AARS1: variants seen among roughly 807,000 people sequenced by gnomAD.
AARS1 encodes alanine--tRNA ligase, cytoplasmic.
A neutral mutation model predicts 108.9 loss-of-function variants in AARS1; 72 were observed. The ratio of observed to expected loss-of-function variants is 0.66; its 90% CI spans 0.55 to 0.80. The LOEUF (loss-of-function observed/expected upper bound fraction) is 0.80. Among genes scored for constraint, AARS1 ranks in the 30% least tolerant of loss-of-function variants. The pLI is 0.00. For missense variants in AARS1, 1,193 were observed against 1,233.2 expected (o/e 0.97, Z 0.49); for synonymous variants, 489 against 465.7 (o/e 1.05, Z -0.64).
chr16:70,270,946 C>T (rs759469240), intron 5 of AARS1, among the ~76,000 whole-genome samples: 1 of 150,882 alleles, frequency 6.6e-6, no homozygotes, highest in Admixed American at 6.6e-5. Context: ...GTCAGGAGTT[C>T]GAGACCAGCC....
chr16:70,264,795 G>A (rs1449423049), intron 11 of AARS1, among the ~76,000 whole-genome samples, 163 bp downstream of exon 11: 1 of 151,898 alleles, frequency 6.6e-6, no homozygotes, highest in Non-Finnish European at 1.5e-5. Context: ...AAAACCTCCA[G>A]CCAAGGGTGC....
At chr16:70,279,560 T>A (rs1267133884) in intron 2 of AARS1, among the ~76,000 whole-genome samples, 1 of 144,250 alleles carries the variant, frequency 6.9e-6, no homozygotes, top group African/African-American at 2.6e-5. Flanking sequence ...CTCGGGAGGG[T>A]GAAGCAGGAG....
At chr16:70,267,901 C>T (rs1391740110) in intron 8 of AARS1, 92 bp from the exon 9 acceptor site, 1 of 1,563,392 alleles carries the variant, frequency 6.4e-7, no homozygotes, top group Non-Finnish European at 8.8e-7. Flanking sequence ...GGTGCAGTGG[C>T]TCACGCCTGT....
At chr16:70,257,960 T>C (rs1161138184) in intron 15 of AARS1, 73 bp downstream of exon 15, 3 of 1,552,658 alleles carry the variant, frequency 1.9e-6, no homozygotes, top group Non-Finnish European at 2.7e-6. Context: ...CAAGAGTTGG[T>C]CCAGCCTAAG....
At chr16:70,277,927 A>T (rs1567610945) in intron 2 of AARS1, among the ~76,000 whole-genome samples, 1 of 151,792 alleles carries the variant, frequency 6.6e-6, no homozygotes, top group Non-Finnish European at 1.5e-5. Flanking sequence ...TAATTTTTGT[A>T]TTTTTAGTAG....
chr16:70,278,248 TTAG>T (rs1288263323), intron 2 of AARS1, among the ~76,000 whole-genome samples: 1 of 151,644 alleles, frequency 6.6e-6, no homozygotes, highest in Non-Finnish European at 1.5e-5. Flanking sequence ...AATTAAATAA[TTAG>T]TAATTAATAT....
chr16:70,276,186 G>T (rs1960545051), intron 4 of AARS1: 1 of 188,924 alleles, frequency 5.3e-6, no homozygotes, highest in South Asian at 9.8e-5. Context: ...CTGCACTCCA[G>T]CCTAGCTGAC....
chr16:70,265,813 CT>C, intron 9 of AARS1, 151 bp from the exon 10 acceptor site: 1 of 938,792 alleles, frequency 1.1e-6, no homozygotes. Context: ...TCCAGCACAT[CT>C]TTTTCAGTTA....
chr16:70,276,904 T>A, intron 3 of AARS1, 62 bp downstream of exon 3: 3 of 1,567,578 alleles, frequency 1.9e-6, no homozygotes, highest in Non-Finnish European at 2.6e-6. Context: ...TAGAACCCAG[T>A]TCCCAGTGTG....
rs148686377 is a variant in AARS1 at position 70,258,989 on chromosome 16, C to T, written c.1983G>A (p.Glu661=). Residue 661 remains glutamate (E), a synonymous_variant, in exon 14 of 21, where the codon GAG becomes GAA. Coordinates refer to ENST00000261772, the MANE Select transcript of AARS1 (RefSeq NM_001605.3). ...CCGTCGCCCATCCTACCTTGGCTGC[C>T]TCAATCATCTCATTAGCAATCTCTT... ...KAEEIANEMI[E]AAKAVYTQDC... is the part of the protein sequence containing the mutation. 3.1e-6 allele frequency: 5 copies of T among 1,614,192 alleles called. No individual in the cohort carries two copies. Among genetic ancestry groups the T allele is most frequent in the African/African-American group, 1.3e-5 (1 of 75,058 alleles).
At chr16:70,260,953 C>T (rs1960117844) in intron 13 of AARS1, 91 bp downstream of exon 13, 1 of 1,041,632 alleles carries the variant, frequency 9.6e-7, no homozygotes, top group East Asian at 2.5e-5. Context: ...TGAGCCACCA[C>T]ACCCGGCCCA....
intron 2 of AARS1, among the ~76,000 whole-genome samples, chr16:70,281,621 G>A (rs752493298): frequency 7.2e-5 from 11 of 152,108 alleles, no homozygotes; most frequent in South Asian, 2.1e-4. Flanking sequence ...AGCCAAGATC[G>A]TGCCACTGCA....
chr16:70,261,798 C>G (rs1428025536), intron 12 of AARS1, among the ~76,000 whole-genome samples: 1 of 151,452 alleles, frequency 6.6e-6, no homozygotes. Context: ...GCTTCCCGAG[C>G]AGGTGGGATT....
chr16:70,260,961 C>G (rs1960118568), intron 13 of AARS1, 83 bp downstream of exon 13: 1 of 1,142,644 alleles, frequency 8.8e-7, no homozygotes, highest in Non-Finnish European at 1.3e-6. Context: ...CACACCCGGC[C>G]CAACAGTGAC....
At chr16:70,253,515 G>C (rs1959899455) in intron 19 of AARS1, 134 bp from the exon 20 acceptor site, 1 of 1,042,834 alleles carries the variant, frequency 9.6e-7, no homozygotes, top group African/African-American at 1.6e-5. Flanking sequence ...AGGGCCTGTG[G>C]GGAGGACCCC....
At chr16:70,264,658 C>G (rs1960222356) in intron 11 of AARS1, among the ~76,000 whole-genome samples, 1 of 152,034 alleles carries the variant, frequency 6.6e-6, no homozygotes, top group South Asian at 2.1e-4. Context: ...GTATCAATGT[C>G]AATTGCCCAG....
rs1960296503 is a variant in AARS1, at chr16:70,267,714, C to A, written c.1167G>T (p.Gly389=). ...GAATTTTCCTGTCCAGGATGCGACG[C>A]CCTCTGCTGAGAGTCTTGAGAAACT... ...EVQFLKTLSR[G]RRILDRKIQS... is the part of the protein sequence containing the mutation. Residue 389 remains glycine (G), a synonymous_variant, in exon 9 of 21, where the codon GGG becomes GGT. Coordinates refer to ENST00000261772, the MANE Select transcript of AARS1 (RefSeq NM_001605.3). The A allele has an allele frequency of 6.2e-7, 1 of 1,614,130 alleles. No individual in the cohort carries two copies. The highest frequency in any genetic ancestry group is 8.5e-7 in the Non-Finnish European group (1 of 1,180,030).
chr16:70,272,090 CA>C (rs922101198), intron 4 of AARS1, 118 bp from the exon 5 acceptor site: 2 of 886,200 alleles, frequency 2.3e-6, no homozygotes, highest in African/African-American at 3.3e-5. Flanking sequence ...CATGTTACTG[CA>C]CTCCAGCCTA....
At position 70,262,435 on chromosome 16, in the gene AARS1, C is replaced by T. The variant is rs1182448409; in HGVS notation, c.1582G>A (p.Val528Met). ...GCATAGAAACAGGTCTTGTCCAGCA[C>T]CACTCCACACTCCTGGCCTGTGGAC... ...EVSTGQECGV[V>M]LDKTCFYAEQ... Residue 528 changes from valine (V) to methionine (M), a missense_variant, in exon 12 of 21, where the codon GTG becomes ATG. Physicochemically the swap from Val to Met is conservative, Grantham distance 21. Coordinates refer to ENST00000261772, the MANE Select transcript of AARS1 (RefSeq NM_001605.3). 1.2e-6 allele frequency: 2 copies of T among 1,614,092 alleles called. No homozygotes were observed. Among genetic ancestry groups the T allele is most frequent in the Non-Finnish European group, 1.7e-6 (2 of 1,180,056 alleles).
Sources: gnomAD v4.1 joint callset for allele counts (sites outside exome capture counted in the v4.1 genomes callset) on GRCh38, gnomAD v4.1.1 for gene constraint, MANE v1.5 for transcripts, NCBI Gene and HGNC (gene_info 2026-07-23, HGNC 2026-07-21) for gene names.